The following SULT1B1 variants were observed in gnomAD, a reference collection of about 807,000 sequenced individuals.
The protein encoded by SULT1B1 is sulfotransferase family 1B member 1, also known as sulfotransferase 1B1.
A neutral mutation model predicts 34.6 loss-of-function variants in SULT1B1; 28 were observed. The ratio of observed to expected loss-of-function variants is 0.81; its 90% CI spans 0.60 to 1.11. SULT1B1 has a LOEUF of 1.11. Among genes scored for constraint, SULT1B1 ranks in the 50% least tolerant of loss-of-function variants. The pLI, the probability that SULT1B1 is intolerant of heterozygous loss-of-function variation, is 0.00. For synonymous variants in SULT1B1, 147 were observed against 110.2 expected, an observed-to-expected ratio of 1.33 and a Z score of -2.09; for missense variants, 374 against 352.2, an observed-to-expected ratio of 1.06 and a Z score of -0.50.
rs375398419 is a variant in SULT1B1, at chr4:69,760,410, C to T, written c.-45+49G>A. The T allele has an allele frequency of 2.0e-4, 33 of 161,428 alleles. 2 individuals are homozygous for T. In the South Asian group the frequency reaches 5.8e-3, roughly 29 times the overall value. 10.0% of individuals were successfully genotyped at this position (161,428 alleles called of 1,614,324 possible). ...TTGTTCTGAGGCACACAATATTCTGCGGGGATAGGACAAAACTTCAAGGAA... is the reference window on the plus strand; with the variant it reads ...TTGTTCTGAGGCACACAATATTCTGTGGGGATAGGACAAAACTTCAAGGAA... On this transcript the variant is annotated intron_variant, in intron 1 of 7. Coordinates refer to ENST00000310613, the MANE Select transcript of SULT1B1 (RefSeq NM_014465.4).
At position 69,734,645 on chromosome 4, in the gene SULT1B1, GA is replaced by G. The variant is rs990150685; in HGVS notation, c.376-382del. Among the ~76,000 whole-genome samples the G allele has an allele frequency of 2.3e-4, 35 of 151,838 alleles. 1 individual carries two copies. Among genetic ancestry groups the G allele is most frequent in the African/African-American group, 7.0e-4 (29 of 41,418 alleles). The stretch of plus-strand genomic sequence containing the variant: ...CAAATTGAAAATAACAAAATTGTGG[GA>G]AAAAAATAAAAGTTTTCACTTTTCA... On this transcript the variant is annotated intron_variant, in intron 4 of 7. Coordinates refer to ENST00000310613, the MANE Select transcript of SULT1B1 (RefSeq NM_014465.4).
intron 7 of SULT1B1, among the ~76,000 whole-genome samples, 165 bp from the exon 8 acceptor site, chr4:69,727,365 T>G (rs1346933810): frequency 2.6e-5 from 4 of 152,070 alleles, no homozygotes; most frequent in Non-Finnish European, 4.4e-5. Flanking sequence ...TTTCAGGCTT[T>G]TAAAATTTGA....
intron 4 of SULT1B1, among the ~76,000 whole-genome samples, chr4:69,745,955 A>G (rs1280386225): frequency 2.0e-5 from 3 of 152,160 alleles, no homozygotes; most frequent in Non-Finnish European, 2.9e-5. Flanking sequence ...TCATTTGTTC[A>G]TCACTTATGA....
chr4:69,733,784 T>C (rs548778488), intron 5 of SULT1B1, among the ~76,000 whole-genome samples: 8 of 152,274 alleles, frequency 5.3e-5, no homozygotes, highest in African/African-American at 1.9e-4. Context: ...TCTTACAAAG[T>C]ACTCATATCA....
chr4:69,755,184 G>A lies in SULT1B1; in HGVS notation c.34C>T (p.Leu12=). Residue 12 remains leucine, a synonymous_variant, in exon 2 of 8, where the codon CTG becomes TTG. Transcript: ENST00000310613. ...ATGGGATAACCATGGACCAACTTCAGATCTTTTCGCAGAATATCTTTTGGG... is the reference window on the plus strand; with the variant it reads ...ATGGGATAACCATGGACCAACTTCAAATCTTTTCGCAGAATATCTTTTGGG... ...LSPKDILRKD[L]KLVHGYPMTC... is the part of the protein sequence containing the mutation. 1.9e-6 allele frequency: 3 copies of A among 1,613,790 alleles called. No individual in the cohort carries two copies. Among genetic ancestry groups the A allele is most frequent in the Non-Finnish European group, 2.5e-6 (3 of 1,179,700 alleles).
intron 4 of SULT1B1, among the ~76,000 whole-genome samples, chr4:69,736,187 C>T (rs940091929): frequency 1.3e-5 from 2 of 152,180 alleles, no homozygotes; most frequent in Non-Finnish European, 2.9e-5. Context: ...GGGAATCACA[C>T]GTCCCAGTGG....
chr4:69,728,952 C>A (rs1717952092), intron 7 of SULT1B1, among the ~76,000 whole-genome samples: 1 of 151,960 alleles, frequency 6.6e-6, no homozygotes, highest in South Asian at 2.1e-4. Context: ...ATAAAGACTA[C>A]CTTCAATATT....
chr4:69,760,164 A>G (rs1719338498), intron 1 of SULT1B1: 19 of 908,796 alleles, frequency 2.1e-5, no homozygotes, highest in Non-Finnish European at 2.5e-5. Context: ...GGGAGCAGAG[A>G]AACGAAAACT....
chr4:69,744,813 T>C (rs1011526159), intron 4 of SULT1B1, among the ~76,000 whole-genome samples: 6 of 152,196 alleles, frequency 3.9e-5, no homozygotes, highest in Non-Finnish European at 7.3e-5. Flanking sequence ...TGAGGTGCAA[T>C]GTTAGGTTGT....
chr4:69,730,168 G>A (rs529951551), intron 7 of SULT1B1, among the ~76,000 whole-genome samples: 1 of 152,216 alleles, frequency 6.6e-6, no homozygotes, highest in Admixed American at 6.5e-5. Flanking sequence ...GCAGAAGGAA[G>A]GAAGCTTATC....
At chr4:69,755,976 C>T (rs1308106247) in intron 1 of SULT1B1, among the ~76,000 whole-genome samples, 2 of 151,956 alleles carry the variant, frequency 1.3e-5, no homozygotes, top group Admixed American at 1.3e-4. Context: ...TTTTAAAAAG[C>T]TTTTCTCTGT....
At chr4:69,740,974 G>T (rs183902341) in intron 4 of SULT1B1, among the ~76,000 whole-genome samples, 3 of 151,918 alleles carry the variant, frequency 2.0e-5, no homozygotes, top group African/African-American at 4.8e-5. Context: ...AGCCTATATC[G>T]AGAATGATAT....
Position 69,737,823 on chromosome 4 carries a change from A to G in SULT1B1, c.376-3559T>C, listed in dbSNP as rs1718377578. Among the ~76,000 whole-genome samples, 3 of 152,262 alleles carry G rather than the reference A, an allele frequency of 2.0e-5. No homozygotes were observed. The South Asian group carries it at 6.2e-4, about 31-fold the overall frequency. ...TATGAAAGAACAAACAAATAACGTG[A>G]TAAATATAAGTCCTAAAATGCCAAT... On this transcript the variant is annotated intron_variant, in intron 4 of 7. Transcript: ENST00000310613.
At chr4:69,734,892 C>A (rs1718239487) in intron 4 of SULT1B1, among the ~76,000 whole-genome samples, 1 of 149,784 alleles carries the variant, frequency 6.7e-6, no homozygotes. Context: ...GATCTCAGCT[C>A]ACTGCAAGCT....
chr4:69,741,196 T>C (rs994618660), intron 4 of SULT1B1, among the ~76,000 whole-genome samples: 1 of 152,198 alleles, frequency 6.6e-6, no homozygotes, highest in Non-Finnish European at 1.5e-5. Flanking sequence ...AGGTTGTAGG[T>C]AGGTGTGCAT....
chr4:69,736,211 T>A (rs2110020564), intron 4 of SULT1B1, among the ~76,000 whole-genome samples: 1 of 152,252 alleles, frequency 6.6e-6, no homozygotes, highest in Non-Finnish European at 1.5e-5. Flanking sequence ...AAATATGAGT[T>A]CCAGCAAGCC....
At chr4:69,746,820 C>T (rs1225712917) in intron 4 of SULT1B1, among the ~76,000 whole-genome samples, 1 of 152,206 alleles carries the variant, frequency 6.6e-6, no homozygotes, top group East Asian at 1.9e-4. Context: ...TCATCTGTGG[C>T]AGCTAATGTT....
intron 3 of SULT1B1, among the ~76,000 whole-genome samples, chr4:69,753,817 A>G (rs2110031388): frequency 6.6e-6 from 1 of 152,342 alleles, no homozygotes; most frequent in Middle Eastern, 3.4e-3. Flanking sequence ...CCCTTGTGCG[A>G]ATCACCAAGT....
rs752270311 is a variant in SULT1B1, at chr4:69,733,474, T to G, written c.536A>C (p.Asn179Thr). 6.2e-7 allele frequency: 1 copy of G among 1,608,012 alleles called. No individual in the cohort carries two copies. Among genetic ancestry groups the G allele is most frequent in the Non-Finnish European group, 8.5e-7 (1 of 1,177,786 alleles). Reference protein sequence around the residue: ...AYGSWFTHVKNWWKKKEEHPI... With the variant: ...AYGSWFTHVKTWWKKKEEHPI... ...GTGTTCTTCCTTTTTCTTCCACCAG[T>G]TTTTAACATGAGTAAACCAGGAACC... Residue 179 changes from asparagine (N) to threonine (T), a missense_variant, in exon 6 of 8, where the codon AAC becomes ACC. By Grantham distance (65) the Asn-to-Thr change is moderately conservative. Transcript: ENST00000310613.
Sources: gnomAD v4.1 joint callset for allele counts (sites outside exome capture counted in the v4.1 genomes callset) on GRCh38, gnomAD v4.1.1 for gene constraint, MANE v1.5 for transcripts, NCBI Gene and HGNC (gene_info 2026-07-23, HGNC 2026-07-21) for gene names.